ANKS1B: variants seen among roughly 807,000 people sequenced by gnomAD.
ANKS1B encodes the protein ankyrin repeat and sterile alpha motif domain containing 1B.
ANKS1B carries 36 observed loss-of-function variants against 148.3 expected under a neutral mutation model. The ratio of observed to expected loss-of-function variants is 0.24; its 90% CI spans 0.19 to 0.32. The LOEUF is 0.32. Ranked by LOEUF, ANKS1B falls within the 10% of genes least tolerant of loss-of-function variation. The pLI is 1.00. For synonymous variants in ANKS1B, 542 were observed against 560.8 expected (o/e 0.97, Z 0.47); for missense variants, 1,157 against 1,542.6 (o/e 0.75, Z 4.19).
intron 8 of ANKS1B, among the ~76,000 whole-genome samples, chr12:99,736,131 A>G (rs549617065): frequency 6.6e-6 from 1 of 152,266 alleles, no homozygotes; most frequent in South Asian, 2.1e-4. Context: ...AAGGCCATAT[A>G]TGATAAACCC....
intron 11 of ANKS1B, among the ~76,000 whole-genome samples, chr12:99,407,616 C>G (rs1311342186): frequency 6.9e-6 from 1 of 145,788 alleles, no homozygotes; most frequent in Non-Finnish European, 1.5e-5. Flanking sequence ...CCTAAAGATT[C>G]TACCAAAAAA....
intron 17 of ANKS1B, among the ~76,000 whole-genome samples, chr12:98,842,193 T>C (rs183247127): frequency 7.7e-4 from 117 of 152,290 alleles, no homozygotes; most frequent in African/African-American, 2.5e-3. Context: ...AACTGGTGAA[T>C]GGATAAGTAA....
At chr12:98,772,955 A>G in intron 25 of ANKS1B, 87 bp downstream of exon 25, 2 of 1,454,698 alleles carry the variant, frequency 1.4e-6, no homozygotes, top group Middle Eastern at 2.0e-4. Flanking sequence ...AAGCCAAGCT[A>G]GTGTGTTAAT....
chr12:99,418,460 T>G (rs56314437), intron 11 of ANKS1B, among the ~76,000 whole-genome samples: 24,903 of 152,174 alleles, frequency 0.16, 2,349 homozygotes, highest in African/African-American at 0.26. Flanking sequence ...TACAATTTTT[T>G]TATGTGTATC....
At chr12:99,356,857 T>C (rs1436113700) in intron 12 of ANKS1B, among the ~76,000 whole-genome samples, 1 of 151,882 alleles carries the variant, frequency 6.6e-6, no homozygotes, top group Non-Finnish European at 1.5e-5. Context: ...TAAAAAATTA[T>C]AACAGAAAAC....
chr12:98,974,595 GT>G (rs2099889182), intron 17 of ANKS1B, among the ~76,000 whole-genome samples: 1 of 152,108 alleles, frequency 6.6e-6, no homozygotes, highest in Non-Finnish European at 1.5e-5. Context: ...GAATCATGAA[GT>G]AGTGCTTCTA....
intron 10 of ANKS1B, among the ~76,000 whole-genome samples, chr12:99,457,150 A>G (rs2095860183): frequency 6.6e-6 from 1 of 152,168 alleles, no homozygotes; most frequent in South Asian, 2.1e-4. Flanking sequence ...TTTTGTGTCC[A>G]GTGAAACTAA....
At chr12:99,684,678 T>C (rs1215599905) in intron 8 of ANKS1B, among the ~76,000 whole-genome samples, 1 of 152,056 alleles carries the variant, frequency 6.6e-6, no homozygotes, top group Non-Finnish European at 1.5e-5. Context: ...CTTCAAACTA[T>C]ACTATAAATC....
At chr12:98,837,250 T>C (rs1048982458) in intron 17 of ANKS1B, among the ~76,000 whole-genome samples, 2 of 149,230 alleles carry the variant, frequency 1.3e-5, no homozygotes, top group African/African-American at 5.0e-5. Flanking sequence ...GGCAGGAGAA[T>C]CACTTGAACC....
chr12:99,300,869 A>G (rs2081504099), intron 12 of ANKS1B, among the ~76,000 whole-genome samples: 1 of 152,150 alleles, frequency 6.6e-6, no homozygotes, highest in South Asian at 2.1e-4. Context: ...TGGTGACTAG[A>G]TGTATTCGGT....
intron 12 of ANKS1B, among the ~76,000 whole-genome samples, chr12:99,286,980 A>T (rs527896683): frequency 6.6e-6 from 1 of 151,990 alleles, no homozygotes; most frequent in Non-Finnish European, 1.5e-5. Context: ...GGAGCTCACC[A>T]CCCTGAAGGG....
intron 9 of ANKS1B, among the ~76,000 whole-genome samples, chr12:99,597,251 GGA>G (rs3081683): frequency 1.3e-5 from 2 of 149,538 alleles, no homozygotes; most frequent in East Asian, 2.0e-4. Context: ...AATGTCTGAG[GGA>G]GAGAGAGAGA....
intron 1 of ANKS1B, 68 bp from the exon 2 acceptor site, chr12:99,825,457 G>T: frequency 1.6e-6 from 2 of 1,256,618 alleles, no homozygotes; most frequent in East Asian, 2.5e-5. Flanking sequence ...CAAAAAGAAG[G>T]CTGGTAGCCC....
chr12:99,329,620 A>G (rs2087117158), intron 12 of ANKS1B, among the ~76,000 whole-genome samples: 1 of 151,890 alleles, frequency 6.6e-6, no homozygotes, highest in African/African-American at 2.4e-5. Context: ...TTTATTAAAG[A>G]ATAAAAAGAT....
At chr12:99,502,977 C>T (rs903828443) in intron 10 of ANKS1B, among the ~76,000 whole-genome samples, 2 of 152,216 alleles carry the variant, frequency 1.3e-5, no homozygotes, top group Admixed American at 1.3e-4. Flanking sequence ...CACTGTGTCA[C>T]CCAGGCTGCA....
chr12:98,777,919 T>C (rs192998695), intron 24 of ANKS1B, among the ~76,000 whole-genome samples: 213 of 152,344 alleles, frequency 1.4e-3, no homozygotes, highest in Middle Eastern at 3.4e-3. Context: ...ATGAATTAGT[T>C]TGCACTTCAA....
At chr12:99,525,521 A>C (rs1251935900) in intron 9 of ANKS1B, among the ~76,000 whole-genome samples, 1 of 152,202 alleles carries the variant, frequency 6.6e-6, no homozygotes, top group East Asian at 1.9e-4. Flanking sequence ...AAGGCAAGAT[A>C]ACAGAAAAAA....
At position 99,068,702 on chromosome 12, in the gene ANKS1B, GCAGA is replaced by G. The variant is rs1324164720; in HGVS notation, c.2626-15397_2626-15394del. Among the ~76,000 whole-genome samples, 4 of 102,028 alleles carry G rather than the reference GCAGA, an allele frequency of 3.9e-5. No individual in the cohort carries two copies. The East Asian group carries it at 1.2e-3, about 30-fold the overall frequency. The allele number at this position is 102,028 out of a possible 152,430, so 66.9% of individuals were successfully genotyped here. The stretch of plus-strand genomic sequence containing the variant: ...GGGATGCAGGTGGGAGGGGTGGGGG[GCAGA>G]GAGAGAGAGAGAGAGAGACAGAGAG... On this transcript the variant is annotated intron_variant, in intron 16 of 26. Transcript: ENST00000683438.
At chr12:99,530,696 G>T (rs988927469) in intron 9 of ANKS1B, among the ~76,000 whole-genome samples, 1 of 152,044 alleles carries the variant, frequency 6.6e-6, no homozygotes, top group Non-Finnish European at 1.5e-5. Flanking sequence ...ACAGACAGAG[G>T]TTAGTATCTG....
Sources: allele counts gnomAD v4.1 joint callset (sites outside exome capture counted in the v4.1 genomes callset), GRCh38; gene constraint gnomAD v4.1.1; transcripts MANE v1.5; gene names NCBI Gene and HGNC (gene_info 2026-07-23, HGNC 2026-07-21).